Variants in REEP3 observed in about 807,000 individuals in gnomAD.
REEP3 encodes the protein receptor accessory protein 3, also known as receptor expression-enhancing protein 3.
In REEP3, 20 loss-of-function variants were observed where a neutral mutation model predicts 41.3. The observed-to-expected ratio is 0.48, with a 90% confidence interval of 0.34 to 0.70. The LOEUF is 0.70. Among genes scored for constraint, REEP3 ranks in the 30% least tolerant of loss-of-function variants. The pLI is 0.01. For synonymous variants in REEP3, 104 were observed against 101.8 expected (o/e 1.02, Z -0.13); for missense variants, 271 against 308.8 (o/e 0.88, Z 0.92).
At chr10:63,589,811 T>TTTTTTC (rs60023998) in intron 2 of REEP3, among the ~76,000 whole-genome samples, 3 of 131,134 alleles carry the variant, frequency 2.3e-5, no homozygotes, top group Middle Eastern at 3.7e-3. Flanking sequence ...TTTTTTTTTT[T>TTTTTTC]GGAAACGGAG....
intron 1 of REEP3, among the ~76,000 whole-genome samples, chr10:63,551,153 A>G (rs1955625155): frequency 6.6e-6 from 1 of 152,218 alleles, no homozygotes; most frequent in African/African-American, 2.4e-5. Flanking sequence ...GGAAATATAC[A>G]TGATGAGCCT....
chr10:63,624,517 A>G lies in REEP3; in HGVS notation c.*3648A>G, dbSNP rs1254274280. On this transcript the variant is annotated 3_prime_UTR_variant, in exon 8 of 8. Transcript: ENST00000373758. ...TATCTCTAAGCCTAGTATGTGGGTA[A>G]TTTTACAGGTGTGTTTTTTGATAAC... The G allele has an allele frequency of 4.6e-5, 7 of 152,212 alleles. No individual in the cohort carries two copies. The allele number at this position is 152,212 out of a possible 1,614,324, so 9.4% of individuals were successfully genotyped here. A position where few individuals can be genotyped will look rare whatever the true frequency, so the allele number is the denominator to read the frequency against.
At chr10:63,582,983 G>T (rs1955968700) in intron 2 of REEP3, among the ~76,000 whole-genome samples, 1 of 151,818 alleles carries the variant, frequency 6.6e-6, no homozygotes, top group Non-Finnish European at 1.5e-5. Flanking sequence ...TCTTCCTGGA[G>T]TTTTTTTTCT....
chr10:63,562,956 G>A (rs537373912), intron 1 of REEP3: 87 of 456,498 alleles, frequency 1.9e-4, no homozygotes, highest in Non-Finnish European at 3.2e-4. Flanking sequence ...GTTCAAGTAC[G>A]GTCTTTAGAG....
intron 1 of REEP3, among the ~76,000 whole-genome samples, chr10:63,556,277 G>A (rs1040781023): frequency 7.3e-5 from 11 of 151,436 alleles, no homozygotes; most frequent in East Asian, 1.9e-4. Context: ...CACCATGCCC[G>A]ACTAATTTTT....
intron 1 of REEP3, among the ~76,000 whole-genome samples, chr10:63,542,162 C>G (rs1244952260): frequency 6.6e-6 from 1 of 151,544 alleles, no homozygotes; most frequent in Non-Finnish European, 1.5e-5. Flanking sequence ...TCACTGCAAC[C>G]TCCACCTCCC....
intron 6 of REEP3, among the ~76,000 whole-genome samples, chr10:63,616,577 G>T (rs531912877): frequency 6.6e-6 from 1 of 152,260 alleles, no homozygotes; most frequent in African/African-American, 2.4e-5. Context: ...AAAAGAATAA[G>T]ATGTATAATC....
chr10:63,523,417 G>C (rs1303879756), intron 1 of REEP3, among the ~76,000 whole-genome samples: 1 of 152,186 alleles, frequency 6.6e-6, no homozygotes, highest in Non-Finnish European at 1.5e-5. Context: ...AAGATTGTTT[G>C]ATCACAAGAG....
chr10:63,529,191 T>C (rs1356127913), intron 1 of REEP3, among the ~76,000 whole-genome samples: 1 of 152,246 alleles, frequency 6.6e-6, no homozygotes, highest in Non-Finnish European at 1.5e-5. Context: ...GAATGAATTA[T>C]TTGGAAAGAG....
chr10:63,540,731 G>A (rs1955520371), intron 1 of REEP3, among the ~76,000 whole-genome samples: 2 of 152,044 alleles, frequency 1.3e-5, no homozygotes, highest in Non-Finnish European at 2.9e-5. Flanking sequence ...TAAGCAAAAT[G>A]TAATTTAAAG....
At chr10:63,608,621 A>ATT (rs1344490609) in intron 5 of REEP3, among the ~76,000 whole-genome samples, 1 of 152,254 alleles carries the variant, frequency 6.6e-6, no homozygotes, top group Admixed American at 6.5e-5. Flanking sequence ...CCCTTAGAAG[A>ATT]ATATTTTTAA....
chr10:63,589,920 A>G (rs1040130345), intron 2 of REEP3, among the ~76,000 whole-genome samples: 2 of 146,676 alleles, frequency 1.4e-5, no homozygotes, highest in African/African-American at 5.1e-5. Flanking sequence ...TCAGCCTCCC[A>G]AGTAGCTGGG....
At chr10:63,582,611 A>G (rs1190132011) in intron 2 of REEP3, among the ~76,000 whole-genome samples, 1 of 152,236 alleles carries the variant, frequency 6.6e-6, no homozygotes, top group African/African-American at 2.4e-5. Context: ...TAGTAAAATT[A>G]ACTATAAGAT....
rs1453294900 is a variant in REEP3 at position 63,620,816 on chromosome 10, C to T, written c.715C>T (p.Arg239Trp). 3 of 1,597,388 alleles carry T rather than the reference C, an allele frequency of 1.9e-6. No individual in the cohort carries two copies. Among genetic ancestry groups the T allele is most frequent in the Non-Finnish European group, 2.6e-6 (3 of 1,168,556 alleles). ...VKTTKGRKEV[R>W]YGSLKYKVKK... Reference sequence around the variant, plus strand: ...AATAAAACATTTCTCTCTTCAGGTGCGGTACGGGTCACTAAAATACAAAGT... The same window carrying T: ...AATAAAACATTTCTCTCTTCAGGTGTGGTACGGGTCACTAAAATACAAAGT... The change falls in exon 8 of 8, where the codon CGG (arginine) becomes TGG (tryptophan). Residue 239 changes from arginine (R) to tryptophan (W), a missense_variant. Coordinates refer to ENST00000373758, the MANE Select transcript of REEP3 (RefSeq NM_001001330.3).
Position 63,623,887 on chromosome 10 carries a change from A to G in REEP3, c.*3018A>G, listed in dbSNP as rs1956376063. 1.9e-5 allele frequency: 3 copies of G among 154,266 alleles called. No homozygotes were observed. In the South Asian group the frequency reaches 6.1e-4, roughly 31 times the overall value. The allele number at this position is 154,266 out of a possible 1,614,324, so 9.6% of individuals were successfully genotyped here. A position where few individuals can be genotyped will look rare whatever the true frequency, so the allele number is the denominator to read the frequency against. On this transcript the variant is annotated 3_prime_UTR_variant, in exon 8 of 8. Transcript: ENST00000373758. ...GGGACAAAATGATTAAAGTATTTTC[A>G]GGGATCTTATTCCATATGTCACCAC...
chr10:63,558,972 C>T (rs897463594), intron 1 of REEP3, among the ~76,000 whole-genome samples: 2 of 151,846 alleles, frequency 1.3e-5, no homozygotes, highest in Non-Finnish European at 1.5e-5. Context: ...TTTTTAGTCC[C>T]TTAGTCTAAT....
intron 2 of REEP3, among the ~76,000 whole-genome samples, chr10:63,586,165 T>A (rs1466467585): frequency 6.6e-6 from 1 of 152,200 alleles, no homozygotes; most frequent in East Asian, 1.9e-4. Context: ...TCACTCCAGC[T>A]TTAAATATCC....
At chr10:63,579,796 T>G (rs1955932832) in intron 2 of REEP3, among the ~76,000 whole-genome samples, 1 of 152,286 alleles carries the variant, frequency 6.6e-6, no homozygotes, top group South Asian at 2.1e-4. Context: ...TGCTAAGAAG[T>G]AAGTTGGAGG....
At chr10:63,610,402 G>A in intron 6 of REEP3, 68 bp downstream of exon 6, 1 of 1,452,434 alleles carries the variant, frequency 6.9e-7, no homozygotes, top group Admixed American at 2.1e-5. Flanking sequence ...CATACACTGG[G>A]GCCTGTCGGG....
Sources: gnomAD v4.1 joint callset for allele counts (sites outside exome capture counted in the v4.1 genomes callset) on GRCh38, gnomAD v4.1.1 for gene constraint, MANE v1.5 for transcripts, NCBI Gene and HGNC (gene_info 2026-07-23, HGNC 2026-07-21) for gene names.